The following CDH22 variants were observed in gnomAD, a reference collection of about 807,000 sequenced individuals.
The protein encoded by CDH22 is cadherin 22, also known as cadherin-22.
Under a neutral mutation model 58.4 loss-of-function variants are expected in CDH22, and 30 were observed. The ratio of observed to expected loss-of-function variants is 0.51; its 90% CI spans 0.38 to 0.70. The LOEUF is 0.70. Ranked by LOEUF, CDH22 falls within the 30% of genes least tolerant of loss-of-function variation. The pLI, the probability that CDH22 is intolerant of heterozygous loss-of-function variation, is 0.00. For synonymous variants in CDH22, 513 were observed against 558.2 expected, an observed-to-expected ratio of 0.92 and a Z score of 1.14; for missense variants, 1,014 against 1,233.9, an observed-to-expected ratio of 0.82 and a Z score of 2.67.
intron 10 of CDH22, among the ~76,000 whole-genome samples, chr20:46,179,991 T>TTTTTTTTTTTTTTTTTTTTGA (rs2085772792): frequency 6.6e-6 from 1 of 152,106 alleles, no homozygotes; most frequent in African/African-American, 2.4e-5. Flanking sequence ...CCTCCTTTCT[T>TTTTTTTTTTTTTTTTTTTTGA]GTGGCCTCCT....
chr20:46,266,472 G>A (rs989321541), intron 1 of CDH22, among the ~76,000 whole-genome samples: 2 of 152,204 alleles, frequency 1.3e-5, no homozygotes, highest in African/African-American at 2.4e-5. Flanking sequence ...GGCCTCCTAG[G>A]AGCCATTACA....
chr20:46,176,886 A>T (rs1180115423), intron 11 of CDH22, among the ~76,000 whole-genome samples: 3 of 152,178 alleles, frequency 2.0e-5, no homozygotes, highest in Non-Finnish European at 2.9e-5. Context: ...CAGCGATTCC[A>T]CCCGTCACCT....
At chr20:46,181,027 C>T (rs2085780561) in intron 10 of CDH22, among the ~76,000 whole-genome samples, 1 of 151,746 alleles carries the variant, frequency 6.6e-6, no homozygotes, top group South Asian at 2.1e-4. Flanking sequence ...CCTCCTGCCT[C>T]AGCCTCCCAA....
chr20:46,229,960 T>C (rs2086207946), intron 3 of CDH22, among the ~76,000 whole-genome samples: 1 of 152,152 alleles, frequency 6.6e-6, no homozygotes, highest in African/African-American at 2.4e-5. Context: ...GAGGGGATGA[T>C]GGAACCATTT....
intron 10 of CDH22, among the ~76,000 whole-genome samples, chr20:46,185,772 G>T (rs917465511): frequency 3.9e-5 from 6 of 152,192 alleles, no homozygotes; most frequent in Non-Finnish European, 7.3e-5. Context: ...GGAGGCTGAC[G>T]CAGGACTGCT....
chr20:46,214,136 C>T (rs1179759783), intron 5 of CDH22, among the ~76,000 whole-genome samples: 2 of 151,972 alleles, frequency 1.3e-5, no homozygotes, highest in Non-Finnish European at 2.9e-5. Flanking sequence ...GGTGCAAAGG[C>T]CCTGAGGTGG....
At chr20:46,180,078 C>T (rs2085773534) in intron 10 of CDH22, among the ~76,000 whole-genome samples, 2 of 152,236 alleles carry the variant, frequency 1.3e-5, no homozygotes, top group African/African-American at 2.4e-5. Context: ...ATGCACAGTT[C>T]TGTTACAGCA....
In CDH22 at chr20:46,305,997, G is replaced by A. The variant is rs1436429310; in HGVS notation, c.-400+2258C>T. 2.0e-5 allele frequency among the ~76,000 whole-genome samples: 3 copies of A among 152,222 alleles called. No homozygotes were observed. In the East Asian group the frequency reaches 5.8e-4, roughly 29 times the overall value. On this transcript the variant is annotated intron_variant, in intron 1 of 11. Transcript: ENST00000537909. ...ATCCAGAGATCACAGCCACCCTTTT[G>A]ACAGAAAGGCTGTGACTCACCCGGA...
At chr20:46,237,719 T>G (rs2086263618) in intron 3 of CDH22, among the ~76,000 whole-genome samples, 1 of 152,164 alleles carries the variant, frequency 6.6e-6, no homozygotes, top group Non-Finnish European at 1.5e-5. Context: ...GAGCTGGGTC[T>G]CCATAGGCCA....
intron 1 of CDH22, among the ~76,000 whole-genome samples, chr20:46,307,470 G>A (rs1011496577): frequency 6.6e-6 from 1 of 152,216 alleles, no homozygotes; most frequent in African/African-American, 2.4e-5. Flanking sequence ...CTCTTTGGAC[G>A]TTAGGCTGTC....
intron 5 of CDH22, among the ~76,000 whole-genome samples, chr20:46,213,918 T>C (rs1386310041): frequency 1.3e-5 from 2 of 152,080 alleles, no homozygotes; most frequent in Non-Finnish European, 2.9e-5. Context: ...CAGTGAAACA[T>C]ATGGTATGTC....
intron 10 of CDH22, among the ~76,000 whole-genome samples, chr20:46,182,561 C>T (rs1295337886): frequency 6.6e-6 from 1 of 152,180 alleles, no homozygotes; most frequent in Admixed American, 6.5e-5. Flanking sequence ...CTGGTCCCCA[C>T]CACTCCTCCA....
At position 46,174,460 on chromosome 20, in the gene CDH22, T is replaced by A; in HGVS notation, c.*46A>T. The A allele has an allele frequency of 7.6e-7, 1 of 1,308,222 alleles. No individual in the cohort carries two copies. The highest frequency in any genetic ancestry group is 1.6e-5 in the South Asian group (1 of 63,196). 81.0% of individuals were successfully genotyped at this position (1,308,222 alleles called of 1,614,324 possible). ...AACGCGTTGTCCTGGGGCCCCGGCGTGTGCTGGGCGGGTGAGCAGCCGCGC... is the reference window on the plus strand; with the variant it reads ...AACGCGTTGTCCTGGGGCCCCGGCGAGTGCTGGGCGGGTGAGCAGCCGCGC... On this transcript the variant is annotated 3_prime_UTR_variant, in exon 12 of 12. Transcript: ENST00000537909. This position sits in a 1 kb window ranked among gnomAD's most constrained non-coding sequence, Gnocchi z 4.4.
At chr20:46,271,330 A>C (rs2086487629) in intron 1 of CDH22, among the ~76,000 whole-genome samples, 1 of 152,176 alleles carries the variant, frequency 6.6e-6, no homozygotes, top group African/African-American at 2.4e-5. Flanking sequence ...CTGGAATCTG[A>C]GAAAGCTTAT....
chr20:46,174,485 C>A lies in CDH22; in HGVS notation c.*21G>T, dbSNP rs1469696717. The A allele has an allele frequency of 6.9e-7, 1 of 1,445,880 alleles. No homozygotes were observed. Among genetic ancestry groups the A allele is most frequent in the Admixed American group, 2.7e-5 (1 of 37,056 alleles). 89.6% of individuals were successfully genotyped at this position (1,445,880 alleles called of 1,614,324 possible). On this transcript the variant is annotated 3_prime_UTR_variant, in exon 12 of 12. Transcript: ENST00000537909. This position sits in a 1 kb window ranked among gnomAD's most constrained non-coding sequence, Gnocchi z 4.4. ...TGTGCTGGGCGGGTGAGCAGCCGCG[C>A]CCCGACGGCAGGGCGAGGGGCTAGG...
chr20:46,176,146 A>T (rs2145641641), intron 11 of CDH22, among the ~76,000 whole-genome samples: 1 of 152,100 alleles, frequency 6.6e-6, no homozygotes, highest in Admixed American at 6.5e-5. Flanking sequence ...CTTAACTCAG[A>T]TGTCCTAGGA....
chr20:46,223,817 T>TCTTC (rs11287075), intron 4 of CDH22, among the ~76,000 whole-genome samples: 3,902 of 138,114 alleles, frequency 0.028, 115 homozygotes, highest in African/African-American at 0.061. Context: ...TTTCTTCCTT[T>TCTTC]CTTCCTTCCT....
intron 7 of CDH22, among the ~76,000 whole-genome samples, chr20:46,203,797 A>G (rs1004498629): frequency 2.0e-5 from 3 of 152,166 alleles, no homozygotes; most frequent in Admixed American, 2.0e-4. Flanking sequence ...CAGTAGTCTG[A>G]GAAGGACAGG....
intron 1 of CDH22, among the ~76,000 whole-genome samples, chr20:46,276,827 C>A (rs201832838): frequency 8.6e-5 from 13 of 152,040 alleles, no homozygotes; most frequent in African/African-American, 3.1e-4. Context: ...GCCAGATCCA[C>A]AGAGTGTGAG....
Sources: gnomAD v4.1 joint callset for allele counts (sites outside exome capture counted in the v4.1 genomes callset) on GRCh38, gnomAD v4.1.1 for gene constraint, Gnocchi (gnomAD v3.1) non-coding constraint, MANE v1.5 for transcripts, NCBI Gene and HGNC (gene_info 2026-07-23, HGNC 2026-07-21) for gene names.